Variants in ABCA12 observed in about 807,000 individuals in gnomAD.
ABCA12 encodes glucosylceramide transporter ABCA12.
In ABCA12, 156 loss-of-function variants were observed where a neutral mutation model predicts 293.5. The ratio of observed to expected loss-of-function variants is 0.53; its 90% CI spans 0.47 to 0.61. The LOEUF (loss-of-function observed/expected upper bound fraction) is 0.61. Among genes scored for constraint, ABCA12 ranks in the 20% least tolerant of loss-of-function variants. The pLI, the probability that ABCA12 is intolerant of heterozygous loss-of-function variation, is 0.00. For synonymous variants in ABCA12, 1,063 were observed against 1,108.0 expected, an observed-to-expected ratio of 0.96 and a Z score of 0.81; for missense variants, 2,797 against 3,090.2, an observed-to-expected ratio of 0.91 and a Z score of 2.25.
intron 23 of ABCA12, among the ~76,000 whole-genome samples, chr2:214,996,104 C>T (rs1035399313): frequency 2.0e-5 from 3 of 152,076 alleles, no homozygotes; most frequent in African/African-American, 7.2e-5. Flanking sequence ...CAAAGGTAGA[C>T]GCAGGCCAAA....
intron 2 of ABCA12, among the ~76,000 whole-genome samples, chr2:215,095,772 A>G (rs1354846850): frequency 6.6e-6 from 1 of 152,138 alleles, no homozygotes; most frequent in East Asian, 1.9e-4. Context: ...TTAACTGATG[A>G]CATTACCTTG....
In ABCA12 at chr2:215,025,733, A is replaced by G; in HGVS notation, c.1227T>C (p.Phe409=). Residue 409 remains phenylalanine (F), a synonymous_variant, in exon 11 of 53, where the codon TTT becomes TTC. Transcript: ENST00000272895. ...AATCTTCATAGGAACCATTGCGAAGAAAAGATTTTTTAAATCGTATTGTGG... is the reference window on the plus strand; with the variant it reads ...AATCTTCATAGGAACCATTGCGAAGGAAAGATTTTTTAAATCGTATTGTGG... ...LQSTIRFKKS[F]LRNGSYEDYF... is the part of the protein sequence containing the mutation. 6.2e-7 allele frequency: 1 copy of G among 1,613,404 alleles called. No individual in the cohort carries two copies. The highest frequency in any genetic ancestry group is 1.1e-5 in the South Asian group (1 of 91,066).
chr2:214,934,055 A>G (rs1574916879), intron 52 of ABCA12, 23 bp downstream of exon 52: 1 of 1,610,098 alleles, frequency 6.2e-7, no homozygotes, highest in Non-Finnish European at 8.5e-7. Context: ...CGTTGTGCAC[A>G]TGGATCGTGG....
chr2:214,992,568 T>A (rs1574968741), intron 23 of ABCA12, among the ~76,000 whole-genome samples: 2 of 97,260 alleles, frequency 2.1e-5, no homozygotes, highest in Admixed American at 1.5e-4. Flanking sequence ...ACAGAGGAAA[T>A]CTCCACTAAC....
intron 18 of ABCA12, among the ~76,000 whole-genome samples, chr2:215,009,942 AT>A (rs1700335307): frequency 6.6e-6 from 1 of 152,168 alleles, no homozygotes; most frequent in Non-Finnish European, 1.5e-5. Context: ...TACTTCAGGG[AT>A]TGTTTTTGTT....
intron 23 of ABCA12, among the ~76,000 whole-genome samples, chr2:214,996,382 G>C (rs529346396): frequency 6.6e-6 from 1 of 152,124 alleles, no homozygotes; most frequent in Admixed American, 6.6e-5. Flanking sequence ...ATATTTTAAA[G>C]GTAGGTATTA....
intron 33 of ABCA12, among the ~76,000 whole-genome samples, chr2:214,977,680 A>T (rs1394350331): frequency 6.6e-6 from 1 of 152,184 alleles, no homozygotes; most frequent in Non-Finnish European, 1.5e-5. Flanking sequence ...GTCAAGCAAC[A>T]TGATTTTTTA....
chr2:215,138,078 A>G (rs1703269435), intron 1 of ABCA12, 62 bp downstream of exon 1: 1 of 1,491,550 alleles, frequency 6.7e-7, no homozygotes, highest in South Asian at 1.1e-5. Flanking sequence ...TTAAGATCAC[A>G]TTTTAGGATT....
intron 23 of ABCA12, 64 bp from the exon 24 acceptor site, chr2:214,991,095 C>T: frequency 7.0e-7 from 1 of 1,419,334 alleles, no homozygotes; most frequent in Non-Finnish European, 9.9e-7. Context: ...AAATTATTCC[C>T]TGTATTATGT....
chr2:214,958,270 T>TA lies in ABCA12; in HGVS notation c.6117+6dup. ...ATTCCCTGCAATGAAGGACATAAGT[T>TA]ACTCACCATGTCATAAATGAAGTTT... On this transcript the variant is annotated splice_region_variant and intron_variant, in intron 41 of 52. Transcript: ENST00000272895. The TA allele has an allele frequency of 6.2e-7, 1 of 1,613,882 alleles. No homozygotes were observed. The highest frequency in any genetic ancestry group is 8.5e-7 in the Non-Finnish European group (1 of 1,179,734).
chr2:215,076,526 G>A (rs1428962829), intron 2 of ABCA12, among the ~76,000 whole-genome samples: 1 of 152,136 alleles, frequency 6.6e-6, no homozygotes, highest in Non-Finnish European at 1.5e-5. Flanking sequence ...GTGTTGAGAG[G>A]ATATGGAGGA....
chr2:215,019,945 T>C (rs1700591357), intron 11 of ABCA12, 149 bp from the exon 12 acceptor site: 11 of 955,154 alleles, frequency 1.2e-5, no homozygotes, highest in Non-Finnish European at 1.8e-5. Context: ...TTAGTTTTAT[T>C]ATGAAGTACT....
At chr2:215,015,331 A>G (rs868501238) in intron 15 of ABCA12, among the ~76,000 whole-genome samples, 159 bp downstream of exon 15, 8 of 152,234 alleles carry the variant, frequency 5.3e-5, no homozygotes, top group African/African-American at 1.9e-4. Context: ...AATTGCAATA[A>G]ATGATCTCTA....
At chr2:214,984,790 T>A (rs963596080) in intron 28 of ABCA12, among the ~76,000 whole-genome samples, 71 of 152,130 alleles carry the variant, frequency 4.7e-4, no homozygotes, top group African/African-American at 1.7e-3. Context: ...GCTATCCTCA[T>A]GGGACCATCA....
At chr2:215,091,252 C>T (rs1420516513) in intron 2 of ABCA12, among the ~76,000 whole-genome samples, 1 of 152,042 alleles carries the variant, frequency 6.6e-6, no homozygotes, top group Non-Finnish European at 1.5e-5. Flanking sequence ...CCAGGCTGAG[C>T]CAGGTCCCAA....
chr2:215,081,495 A>AAAAAAAAAAAAAAAAAAAAAAG (rs1553541627), intron 2 of ABCA12, among the ~76,000 whole-genome samples: 4 of 127,498 alleles, frequency 3.1e-5, no homozygotes, highest in Non-Finnish European at 4.8e-5. Context: ...AAAAAAAAGA[A>AAAAAAAAAAAAAAAAAAAAAAG]AAAGAAAAAA....
At chr2:215,061,108 G>A (rs1164847791) in intron 3 of ABCA12, among the ~76,000 whole-genome samples, 1 of 152,072 alleles carries the variant, frequency 6.6e-6, no homozygotes, top group Non-Finnish European at 1.5e-5. Flanking sequence ...GTGTAAGGAG[G>A]AAAGAAAAGG....
At chr2:215,015,828 G>A (rs1700482299) in intron 14 of ABCA12, among the ~76,000 whole-genome samples, 165 bp from the exon 15 acceptor site, 1 of 152,182 alleles carries the variant, frequency 6.6e-6, no homozygotes. Context: ...TAAGACAATA[G>A]AGAATTAATA....
intron 1 of ABCA12, among the ~76,000 whole-genome samples, chr2:215,117,277 A>G (rs1702705939): frequency 6.6e-6 from 1 of 152,238 alleles, no homozygotes; most frequent in Non-Finnish European, 1.5e-5. Context: ...GACAAGCTTC[A>G]CATCAAGAAA....
Sources: gnomAD v4.1 joint callset for allele counts (sites outside exome capture counted in the v4.1 genomes callset) on GRCh38, gnomAD v4.1.1 for gene constraint, MANE v1.5 for transcripts, NCBI Gene and HGNC (gene_info 2026-07-23, HGNC 2026-07-21) for gene names.